Variants in ZFHX3 observed in about 807,000 individuals in gnomAD.
The protein encoded by ZFHX3 is zinc finger homeobox protein 3.
Under a neutral mutation model 279.1 loss-of-function variants are expected in ZFHX3, and 42 were observed. The observed-to-expected ratio is 0.15, with a 90% CI of 0.12 to 0.19. The LOEUF is 0.19. ZFHX3 is among the 10% of genes least tolerant of loss of function. The pLI is 1.00. For missense variants in ZFHX3, 4,981 were observed against 4,754.0 expected (o/e 1.05, Z -1.40); for synonymous variants, 2,293 against 1,957.8 (o/e 1.17, Z -4.52).
chr16:73,541,752 G>C (rs904022652), intron 2 of ZFHX3, among the ~76,000 whole-genome samples: 4 of 140,166 alleles, frequency 2.9e-5, no homozygotes, highest in African/African-American at 1.0e-4. Context: ...TTCCCTCCCA[G>C]CCCTGTCCTC....
chr16:73,682,906 G>GAAAGAAAGAAAGAAAGAAAGAAAGAGAA (rs1323501382), intron 1 of ZFHX3, among the ~76,000 whole-genome samples: 1 of 28,704 alleles, frequency 3.5e-5, no homozygotes, highest in African/African-American at 8.2e-5. Flanking sequence ...AAGAAAGAAA[G>GAAAGAAAGAAAGAAAGAAAGAAAGAGAA]AGAAAGAAAG....
chr16:73,312,680 T>C (rs1377607666), intron 4 of ZFHX3, among the ~76,000 whole-genome samples: 2 of 152,190 alleles, frequency 1.3e-5, no homozygotes, highest in African/African-American at 4.8e-5. Context: ...TTGTTCCTCA[T>C]AGCCACCTTG....
At chr16:73,459,885 G>A (rs775256609) in intron 2 of ZFHX3, among the ~76,000 whole-genome samples, 3 of 152,190 alleles carry the variant, frequency 2.0e-5, no homozygotes, top group Non-Finnish European at 4.4e-5. Context: ...AACCACCCCC[G>A]TGATTCAATT....
chr16:73,426,319 CA>C (rs1328308802), intron 3 of ZFHX3, among the ~76,000 whole-genome samples: 1 of 151,720 alleles, frequency 6.6e-6, no homozygotes, highest in Non-Finnish European at 1.5e-5. Flanking sequence ...ACTAGAGAGA[CA>C]AAAAGGAGGT....
At chr16:72,817,714 T>C (rs2036654275) in intron 5 of ZFHX3, among the ~76,000 whole-genome samples, 2 of 152,306 alleles carry the variant, frequency 1.3e-5, no homozygotes, top group African/African-American at 2.4e-5. Flanking sequence ...CATCTCTTCA[T>C]GGTGGAGTGA....
Position 72,829,350 on chromosome 16 carries a change from C to A in ZFHX3, c.3529+429G>T, listed in dbSNP as rs1347484930. Among the ~76,000 whole-genome samples, 3 of 152,048 alleles carry A rather than the reference C, an allele frequency of 2.0e-5. 1 individual carries two copies. Among genetic ancestry groups the A allele is most frequent in the Admixed American group, 2.0e-4 (3 of 15,264 alleles). ...GCTAAGAATCAGGGGTGACCCTGAT[C>A]AAGTTCCACATGACAAATCTCTCCA... On this transcript the variant is annotated intron_variant, in intron 5 of 9. Coordinates refer to ENST00000268489, the MANE Select transcript of ZFHX3 (RefSeq NM_006885.4).
intron 2 of ZFHX3, among the ~76,000 whole-genome samples, chr16:73,557,043 C>A (rs748945947): frequency 1.5e-5 from 2 of 132,630 alleles, no homozygotes; most frequent in South Asian, 2.4e-4. Context: ...TGCAGTGAGC[C>A]GAGATCAGGC....
At chr16:73,610,737 G>A (rs571272043) in intron 2 of ZFHX3, among the ~76,000 whole-genome samples, 1 of 152,210 alleles carries the variant, frequency 6.6e-6, no homozygotes, top group Non-Finnish European at 1.5e-5. Flanking sequence ...GGGATAGAAA[G>A]GGATTGTTAC....
chr16:73,746,384 TA>T (rs1483717991), intron 1 of ZFHX3, among the ~76,000 whole-genome samples: 7 of 152,210 alleles, frequency 4.6e-5, no homozygotes, highest in Admixed American at 6.5e-5. Flanking sequence ...ATCTCTTTCT[TA>T]TATACGGAAC....
At chr16:73,694,532 C>A (rs1279467813) in intron 1 of ZFHX3, among the ~76,000 whole-genome samples, 1 of 151,874 alleles carries the variant, frequency 6.6e-6, no homozygotes, top group East Asian at 2.0e-4. Flanking sequence ...TTAGTAGAGA[C>A]GTGGTTTCAC....
chr16:73,196,149 A>AG (rs1157603949), intron 5 of ZFHX3, among the ~76,000 whole-genome samples: 1 of 72,062 alleles, frequency 1.4e-5, no homozygotes, highest in Non-Finnish European at 2.7e-5. Context: ...CTCTTGAAAT[A>AG]GTTTTTTTTT....
At chr16:73,268,771 A>G (rs1184794201) in intron 4 of ZFHX3, among the ~76,000 whole-genome samples, 3 of 152,172 alleles carry the variant, frequency 2.0e-5, no homozygotes, top group Non-Finnish European at 4.4e-5. Context: ...AGGGATAACC[A>G]TGGAGACCCA....
chr16:73,020,166 G>C (rs1057233344), intron 1 of ZFHX3, among the ~76,000 whole-genome samples: 14 of 152,146 alleles, frequency 9.2e-5, no homozygotes, highest in African/African-American at 3.4e-4. Flanking sequence ...ACCAGCAAGA[G>C]CCCTGCATCA....
intron 4 of ZFHX3, among the ~76,000 whole-genome samples, chr16:73,270,018 G>T (rs180910428): frequency 6.6e-6 from 1 of 152,172 alleles, no homozygotes; most frequent in East Asian, 1.9e-4. Flanking sequence ...AAAGTGCTGG[G>T]ATTACAGGTA....
chr16:73,603,684 A>C (rs1187844655), intron 2 of ZFHX3, among the ~76,000 whole-genome samples: 2 of 152,116 alleles, frequency 1.3e-5, no homozygotes, highest in Non-Finnish European at 2.9e-5. Flanking sequence ...CAACACTCGG[A>C]GAAAGAATAC....
chr16:73,058,311 G>T, intron 1 of ZFHX3, among the ~76,000 whole-genome samples: 1 of 147,416 alleles, frequency 6.8e-6, no homozygotes, highest in East Asian at 2.0e-4. Flanking sequence ...GGCGTAGGGG[G>T]AAGGCGAGCG....
intron 2 of ZFHX3, among the ~76,000 whole-genome samples, chr16:73,579,969 A>G (rs990146065): frequency 1.4e-5 from 2 of 147,580 alleles, no homozygotes; most frequent in Non-Finnish European, 3.0e-5. Flanking sequence ...ATTATAATAT[A>G]TAATGTATTA....
intron 2 of ZFHX3, among the ~76,000 whole-genome samples, chr16:73,463,504 G>GC (rs2018507653): frequency 6.6e-6 from 1 of 152,156 alleles, no homozygotes; most frequent in Admixed American, 6.6e-5. Context: ...ATCGTTTCTG[G>GC]TATAACCTGT....
intron 1 of ZFHX3, among the ~76,000 whole-genome samples, chr16:73,886,230 C>T (rs2142418843): frequency 6.6e-6 from 1 of 151,892 alleles, no homozygotes; most frequent in African/African-American, 2.4e-5. Context: ...ATTTCTAAAG[C>T]ATTTACTATA....
Sources: gnomAD v4.1 joint callset for allele counts (sites outside exome capture counted in the v4.1 genomes callset) on GRCh38, gnomAD v4.1.1 for gene constraint, MANE v1.5 for transcripts, NCBI Gene and HGNC (gene_info 2026-07-23, HGNC 2026-07-21) for gene names.